Variants in CHMP7 observed in about 807,000 individuals in gnomAD.
CHMP7 encodes the protein CHMP family, member 7.
CHMP7 carries 15 observed loss-of-function variants against 53.7 expected under a neutral mutation model. The ratio of observed to expected loss-of-function variants is 0.28; its 90% CI spans 0.19 to 0.43. The LOEUF (loss-of-function observed/expected upper bound fraction) is 0.43, where lower values mean the gene tolerates loss of function less well. Among genes scored for constraint, CHMP7 ranks in the 20% least tolerant of loss-of-function variants. The pLI is 1.00. For missense variants in CHMP7, 527 were observed against 569.4 expected (o/e 0.93, Z 0.76); for synonymous variants, 261 against 228.0 (o/e 1.14, Z -1.30).
chr8:23,249,162 G>C, intron 2 of CHMP7, 48 bp from the exon 3 acceptor site: 1 of 1,474,046 alleles, frequency 6.8e-7, no homozygotes, highest in Non-Finnish European at 9.1e-7. Flanking sequence ...ACTGGAATGG[G>C]ACATTGCATT....
intron 4 of CHMP7, 42 bp downstream of exon 4, chr8:23,255,474 T>C (rs372133284): frequency 1.8e-5 from 29 of 1,587,762 alleles, no homozygotes; most frequent in Non-Finnish European, 2.4e-5. Flanking sequence ...CAGCAGTGAT[T>C]GATTAAGTAC....
intron 10 of CHMP7, 47 bp downstream of exon 10, chr8:23,260,370 G>C (rs1190044053): frequency 7.5e-6 from 12 of 1,602,208 alleles, no homozygotes; most frequent in Non-Finnish European, 1.0e-5. Flanking sequence ...TGGCCTTCTG[G>C]CTGACAGAGT....
At position 23,255,268 on chromosome 8, in the gene CHMP7, C is replaced by T. The variant is rs757496234; in HGVS notation, c.493C>T (p.Arg165Cys). The change falls in exon 4 of 11, where the codon CGT becomes TGT. Residue 165 changes from arginine (R) to cysteine (C), a missense_variant. By Grantham distance (180) the Arg-to-Cys change is radical (BLOSUM62 -3). Coordinates refer to ENST00000397677, the MANE Select transcript of CHMP7 (RefSeq NM_152272.5). ...ACAGGAAAAGGCTGAGGAGGTGTATCGTCTGTATCAGAACTCGCCCCTCTC... is the reference window on the plus strand; with the variant it reads ...ACAGGAAAAGGCTGAGGAGGTGTATTGTCTGTATCAGAACTCGCCCCTCTC... The part of the protein sequence containing the change: ...LLKEKAEEVY[R>C]LYQNSPLSSH... 1.3e-5 allele frequency: 21 copies of T among 1,614,018 alleles called. No individual in the cohort carries two copies. The highest frequency in any genetic ancestry group is 7.7e-5 in the South Asian group (7 of 91,086).
At chr8:23,256,404 T>TG in intron 4 of CHMP7, 56 bp from the exon 5 acceptor site, 1 of 1,336,704 alleles carries the variant, frequency 7.5e-7, no homozygotes, top group Non-Finnish European at 1.1e-6. Context: ...CGCTCCTGGT[T>TG]GGGAATTTCT....
intron 4 of CHMP7, 81 bp from the exon 5 acceptor site, chr8:23,256,379 C>A: frequency 1.1e-6 from 1 of 922,656 alleles, no homozygotes; most frequent in Non-Finnish European, 1.8e-6. Flanking sequence ...GCTGTTCTCA[C>A]ATGCCCACCA....
At position 23,258,014 on chromosome 8, in the gene CHMP7, T is replaced by C. The variant is rs200485535; in HGVS notation, c.792-19T>C. Reference sequence around the variant, plus strand: ...CCCATCCTGTGGCACAGTAATCTTATCTGTCCCTTTGTTTCCAGGTGTAAA... The same window carrying C: ...CCCATCCTGTGGCACAGTAATCTTACCTGTCCCTTTGTTTCCAGGTGTAAA... On this transcript the variant is annotated intron_variant, in intron 5 of 10. Transcript: ENST00000397677. 3 of 1,592,074 alleles carry C rather than the reference T, an allele frequency of 1.9e-6. No individual in the cohort carries two copies. The highest frequency in any genetic ancestry group is 2.2e-5 in the South Asian group (2 of 90,302).
At position 23,246,968 on chromosome 8, in the gene CHMP7, G is replaced by T. The variant is rs1337525571; in HGVS notation, c.273G>T (p.Leu91=). The change falls in exon 2 of 11, where the codon CTG becomes CTT. Residue 91 remains leucine (L), a synonymous_variant. Coordinates refer to ENST00000397677, the MANE Select transcript of CHMP7 (RefSeq NM_152272.5). ...GCAAGGGGAGCGTCCCGCTGGGGCT[G>T]GCCACGGTGCTGCAGGACCTGCTGC... ...FQRKGSVPLG[L]ATVLQDLLRR... The T allele has an allele frequency of 6.5e-7, 1 of 1,543,058 alleles. No individual in the cohort carries two copies. Among genetic ancestry groups the T allele is most frequent in the South Asian group, 1.2e-5 (1 of 84,256 alleles).
chr8:23,260,543 G>T lies in CHMP7; in HGVS notation c.1306G>T (p.Val436Phe). The change falls in exon 11 of 11, where the codon GTC (valine) becomes TTC (phenylalanine). Residue 436 changes from valine to phenylalanine, a missense_variant. Coordinates refer to ENST00000397677, the MANE Select transcript of CHMP7 (RefSeq NM_152272.5). ...GTCATTTCTTTGCCTTGCAGGTTTGGTCCCAAGCAGTAAATCTCCAAAAAG... is the reference window on the plus strand; with the variant it reads ...GTCATTTCTTTGCCTTGCAGGTTTGTTCCCAAGCAGTAAATCTCCAAAAAG... The part of the protein sequence containing the change: ...EKLSLSEGGL[V>F]PSSKSPKRQL... 6.2e-7 allele frequency: 1 copy of T among 1,613,904 alleles called. No homozygotes were observed. The highest frequency in any genetic ancestry group is 8.5e-7 in the Non-Finnish European group (1 of 1,179,832).
chr8:23,244,222 A>G (rs912499620), intron 1 of CHMP7, among the ~76,000 whole-genome samples: 1 of 152,194 alleles, frequency 6.6e-6, no homozygotes, highest in African/African-American at 2.4e-5. Context: ...AAAAGTAATC[A>G]TGATGCCCAA....
chr8:23,258,858 A>G, intron 8 of CHMP7, 28 bp downstream of exon 8: 1 of 1,464,624 alleles, frequency 6.8e-7, no homozygotes, highest in Non-Finnish European at 9.6e-7. Context: ...GGAGGGACAC[A>G]CAGAGAAGGA....
intron 4 of CHMP7, among the ~76,000 whole-genome samples, 160 bp downstream of exon 4, chr8:23,255,592 C>A (rs530827320): frequency 3.4e-4 from 52 of 152,208 alleles, no homozygotes; most frequent in Admixed American, 7.2e-4. Flanking sequence ...ATTAACAGTT[C>A]CATAGATTTC....
At chr8:23,257,928 T>C in intron 5 of CHMP7, 105 bp from the exon 6 acceptor site, 1 of 762,212 alleles carries the variant, frequency 1.3e-6, no homozygotes, top group South Asian at 1.7e-5. Flanking sequence ...GGTTTAGTCT[T>C]CAGATTTAAA....
At chr8:23,258,708 C>T (rs1389257736) in intron 7 of CHMP7, 24 bp from the exon 8 acceptor site, 9 of 1,534,396 alleles carry the variant, frequency 5.9e-6, no homozygotes, top group African/African-American at 4.1e-5. Context: ...GTCATTTGCA[C>T]TGATAGCTTT....
In CHMP7 at chr8:23,246,619, G is replaced by T. The variant is rs1306805007; in HGVS notation, c.-77G>T. ...ACGAGAAGGAGGTGGTCAAGGAACG[G>T]AAGCCGGGAGGGAACGAGGGCGGAA... On this transcript the variant is annotated 5_prime_UTR_variant, in exon 2 of 11. Coordinates refer to ENST00000397677, the MANE Select transcript of CHMP7 (RefSeq NM_152272.5). 1.1e-5 allele frequency: 14 copies of T among 1,294,248 alleles called. No homozygotes were observed. Among genetic ancestry groups the T allele is most frequent in the Non-Finnish European group, 1.5e-5 (14 of 946,772 alleles). The allele number at this position is 1,294,248 out of a possible 1,614,324, so 80.2% of individuals were successfully genotyped here. A position where few individuals can be genotyped will look rare whatever the true frequency, so the allele number is the denominator to read the frequency against.
At chr8:23,253,127 C>G (rs185029479) in intron 3 of CHMP7, among the ~76,000 whole-genome samples, 2 of 152,302 alleles carry the variant, frequency 1.3e-5, no homozygotes, top group Non-Finnish European at 2.9e-5. Flanking sequence ...CTTCCTTCAG[C>G]TTATTACTTT....
intron 2 of CHMP7, among the ~76,000 whole-genome samples, chr8:23,247,579 C>A (rs1801755845): frequency 6.6e-6 from 1 of 152,124 alleles, no homozygotes; most frequent in Non-Finnish European, 1.5e-5. Context: ...GCGACAGGTG[C>A]AGTTTTGGCG....
chr8:23,250,752 A>G (rs530450039), intron 3 of CHMP7, among the ~76,000 whole-genome samples: 116 of 152,164 alleles, frequency 7.6e-4, no homozygotes, highest in Middle Eastern at 3.4e-3. Flanking sequence ...GGGCCCTTGC[A>G]TAGCCCTAGA....
At position 23,260,273 on chromosome 8, in the gene CHMP7, C is replaced by T. The variant is rs1443222095; in HGVS notation, c.1250C>T (p.Ser417Leu). ...AACAGCGTGCCTAACCCTAGGATCT[C>T]AGATGCTGAACTTGAAGCTGAACTT... ...FTNSVPNPRI[S>L]DAELEAELEK... Residue 417 changes from serine (S) to leucine (L), a missense_variant, in exon 10 of 11, where the codon TCA (serine) becomes TTA (leucine). Transcript: ENST00000397677. 6.2e-7 allele frequency: 1 copy of T among 1,614,094 alleles called. No homozygotes were observed. The highest frequency in any genetic ancestry group is 1.3e-5 in the African/African-American group (1 of 74,928).
chr8:23,260,376 A>T, intron 10 of CHMP7, 53 bp downstream of exon 10: 1 of 1,597,382 alleles, frequency 6.3e-7, no homozygotes, highest in Non-Finnish European at 8.6e-7. Flanking sequence ...TCTGGCTGAC[A>T]GAGTTGATGG....
Sources: gnomAD v4.1 joint callset for allele counts (sites outside exome capture counted in the v4.1 genomes callset) on GRCh38, gnomAD v4.1.1 for gene constraint, MANE v1.5 for transcripts, NCBI Gene and HGNC (gene_info 2026-07-23, HGNC 2026-07-21) for gene names.